The following SLC5A8 variants were observed in gnomAD, a reference collection of about 807,000 sequenced individuals.
SLC5A8 encodes the protein sodium-coupled monocarboxylate transporter 1.
Under a neutral mutation model 71.9 loss-of-function variants are expected in SLC5A8, and 55 were observed. That is an observed-to-expected ratio of 0.77 (90% confidence interval 0.62 to 0.96). SLC5A8 has a LOEUF of 0.96. SLC5A8 is among the 40% of genes least tolerant of loss of function. SLC5A8 has a pLI of 0.00. For missense variants in SLC5A8, 701 were observed against 745.3 expected (o/e 0.94, Z 0.69); for synonymous variants, 307 against 276.1 (o/e 1.11, Z -1.11).
rs950630964 is a variant in SLC5A8, at chr12:101,168,165, A to C, written c.1251T>G (p.Phe417Leu). 2.5e-6 allele frequency: 4 copies of C among 1,607,330 alleles called. No individual in the cohort carries two copies. Among genetic ancestry groups the C allele is most frequent in the Non-Finnish European group, 3.4e-6 (4 of 1,176,694 alleles). ...GALLQAALSV[F>L]GMVGGPLMGL... ...CCATAAGTGGTCCACCAACCATACC[A>C]AATACGCTGAGTGCTGCCTACAAAA... Residue 417 changes from phenylalanine to leucine, a missense_variant, in exon 11 of 15, where the codon TTT becomes TTG. Physicochemically the swap from Phe to Leu is conservative, Grantham distance 22. Coordinates refer to ENST00000536262, the MANE Select transcript of SLC5A8 (RefSeq NM_145913.5).
At chr12:101,202,991 T>C (rs1869523195) in intron 2 of SLC5A8, among the ~76,000 whole-genome samples, 1 of 152,232 alleles carries the variant, frequency 6.6e-6, no homozygotes. Context: ...GTCCTTCAAA[T>C]GGGAGGTGGT....
chr12:101,167,723 C>T (rs1489109265), intron 11 of SLC5A8, among the ~76,000 whole-genome samples: 1 of 152,176 alleles, frequency 6.6e-6, no homozygotes, highest in Non-Finnish European at 1.5e-5. Context: ...TGTGCTATGG[C>T]TATTCACAGA....
intron 10 of SLC5A8, among the ~76,000 whole-genome samples, chr12:101,179,493 A>G (rs1157045498): frequency 6.6e-6 from 1 of 152,208 alleles, no homozygotes; most frequent in Admixed American, 6.5e-5. Context: ...TGACATACGC[A>G]ACAACCTGGA....
rs1238377362 is a variant in SLC5A8, at chr12:101,186,483, T to C, written c.963+903A>G. 2.0e-5 allele frequency among the ~76,000 whole-genome samples: 3 copies of C among 152,218 alleles called. No individual in the cohort carries two copies. The East Asian group carries it at 5.8e-4, about 29-fold the overall frequency. The stretch of plus-strand genomic sequence containing the variant: ...GCAAGTGAGTCTTAGAAAATAATTT[T>C]GGCAAGAACTCAGGCTTTAGGGTTG... On this transcript the variant is annotated intron_variant, in intron 7 of 14. Coordinates refer to ENST00000536262, the MANE Select transcript of SLC5A8 (RefSeq NM_145913.5).
At chr12:101,203,951 T>TC (rs1483697504) in intron 2 of SLC5A8, among the ~76,000 whole-genome samples, 5 of 103,904 alleles carry the variant, frequency 4.8e-5, no homozygotes, top group African/African-American at 2.7e-4. Flanking sequence ...CCTCCAGAGT[T>TC]TTGATTCTGT....
intron 2 of SLC5A8, 113 bp from the exon 3 acceptor site, chr12:101,202,328 AAC>A: frequency 9.9e-7 from 1 of 1,007,898 alleles, no homozygotes; most frequent in Non-Finnish European, 1.4e-6. Context: ...GACTTAAAAC[AAC>A]AGTTTCAAAA....
At chr12:101,185,896 C>T (rs767156359) in intron 7 of SLC5A8, among the ~76,000 whole-genome samples, 19 of 152,074 alleles carry the variant, frequency 1.2e-4, no homozygotes, top group African/African-American at 2.7e-4. Flanking sequence ...GGTTTTGACA[C>T]GATCTTCCAC....
intron 3 of SLC5A8, 99 bp downstream of exon 3, chr12:101,202,065 A>G (rs1024445818): frequency 1.3e-5 from 15 of 1,156,372 alleles, no homozygotes; most frequent in Middle Eastern, 1.9e-4. Flanking sequence ...GGTTACTAGA[A>G]GCATTCCTCC....
intron 10 of SLC5A8, among the ~76,000 whole-genome samples, chr12:101,170,293 T>C (rs1005038411): frequency 2.0e-5 from 3 of 152,014 alleles, no homozygotes; most frequent in African/African-American, 7.2e-5. Flanking sequence ...AATAAACAAA[T>C]TTTTTTTAAT....
At chr12:101,180,232 A>C (rs1295430477) in intron 9 of SLC5A8, 136 bp from the exon 10 acceptor site, 10 of 864,206 alleles carry the variant, frequency 1.2e-5, no homozygotes, top group African/African-American at 1.7e-5. Context: ...CATCAGAGCC[A>C]GTGAATAAAG....
chr12:101,209,356 T>A, intron 1 of SLC5A8, 142 bp downstream of exon 1: 4 of 605,230 alleles, frequency 6.6e-6, no homozygotes, highest in Non-Finnish European at 1.1e-5. Context: ...CGGGGAGGAG[T>A]GAAGGGAGGG....
intron 13 of SLC5A8, among the ~76,000 whole-genome samples, chr12:101,158,632 A>G (rs867272552): frequency 4.0e-5 from 5 of 123,740 alleles, no homozygotes; most frequent in East Asian, 4.8e-4. Flanking sequence ...ATATATATAT[A>G]TGTATCATAT....
At chr12:101,168,311 T>A in intron 10 of SLC5A8, 129 bp from the exon 11 acceptor site, 2 of 827,272 alleles carry the variant, frequency 2.4e-6, no homozygotes, top group Non-Finnish European at 3.7e-6. Context: ...TCAGTCATGA[T>A]AGCCTTATCA....
chr12:101,201,566 C>A (rs1240243205), intron 3 of SLC5A8, among the ~76,000 whole-genome samples: 1 of 152,204 alleles, frequency 6.6e-6, no homozygotes, highest in Non-Finnish European at 1.5e-5. Flanking sequence ...AATAAACTAT[C>A]CCAGCCTCAC....
At position 101,187,075 on chromosome 12, in the gene SLC5A8, A is replaced by AAAAC. The variant is rs550715981; in HGVS notation, c.963+307_963+310dup. Among the ~76,000 whole-genome samples the AAAAC allele has an allele frequency of 7.9e-3, 1,206 of 152,308 alleles. 15 individuals carry two copies. Among genetic ancestry groups the AAAAC allele is most frequent in the African/African-American group, 0.027 (1,136 of 41,562 alleles). ...TAGTACAATGGTTTGTGTAGTTTAA[A>AAAAC]AAACAAACAAACAAACAACAACAAC... is the stretch of plus-strand genomic sequence containing the variant. On this transcript the variant is annotated intron_variant, in intron 7 of 14. Transcript: ENST00000536262.
intron 10 of SLC5A8, among the ~76,000 whole-genome samples, chr12:101,177,444 T>TACAC (rs60836789): frequency 0.011 from 1,020 of 94,480 alleles, 3 homozygotes; most frequent in Middle Eastern, 0.017. Context: ...AGGCAGTATA[T>TACAC]ACACACACAC....
Position 101,182,716 on chromosome 12 carries a change from C to T in SLC5A8, c.1165+87G>A, listed in dbSNP as rs1257757610. The T allele has an allele frequency of 1.4e-5, 12 of 856,446 alleles. No homozygotes were observed. In the East Asian group the frequency reaches 3.0e-4, roughly 22 times the overall value. The allele number at this position is 856,446 out of a possible 1,614,324, so 53.1% of individuals were successfully genotyped here. On this transcript the variant is annotated intron_variant, in intron 9 of 14. Coordinates refer to ENST00000536262, the MANE Select transcript of SLC5A8 (RefSeq NM_145913.5). ...ATCCAGTCATATTCAGAGGTCCTTC[C>T]TCTGTAGCTTCAGTGGAAAAGAAAT...
intron 5 of SLC5A8, 96 bp downstream of exon 5, chr12:101,193,528 TG>T: frequency 7.2e-7 from 1 of 1,393,482 alleles, no homozygotes; most frequent in Non-Finnish European, 9.7e-7. Flanking sequence ...AGCAATTTGT[TG>T]GCTTGTTTTT....
At chr12:101,182,700 T>C in intron 9 of SLC5A8, 103 bp downstream of exon 9, 2 of 712,462 alleles carry the variant, frequency 2.8e-6, no homozygotes, top group South Asian at 1.8e-5. Context: ...TATCCAGTCA[T>C]ATTCAGAGGT....
Sources: allele counts gnomAD v4.1 joint callset (sites outside exome capture counted in the v4.1 genomes callset), GRCh38; gene constraint gnomAD v4.1.1; transcripts MANE v1.5; gene names NCBI Gene and HGNC (gene_info 2026-07-23, HGNC 2026-07-21).